The following PPFIBP1 variants were observed in gnomAD, a reference collection of about 807,000 sequenced individuals.
PPFIBP1 encodes the protein PPFIB scaffold protein 1.
Under a neutral mutation model 137.8 loss-of-function variants are expected in PPFIBP1, and 112 were observed. The observed-to-expected ratio is 0.81, with a 90% CI of 0.70 to 0.95. The LOEUF (loss-of-function observed/expected upper bound fraction) is 0.95, where lower values mean the gene tolerates loss of function less well. Among genes scored for constraint, PPFIBP1 ranks in the 40% least tolerant of loss-of-function variants. The pLI, the probability that PPFIBP1 is intolerant of heterozygous loss-of-function variation, is 0.00. For synonymous variants in PPFIBP1, 378 were observed against 417.3 expected (o/e 0.91, Z 1.15); for missense variants, 1,083 against 1,196.6 (o/e 0.91, Z 1.40).
intron 2 of PPFIBP1, among the ~76,000 whole-genome samples, chr12:27,630,754 C>G (rs929867723): frequency 6.6e-6 from 1 of 152,114 alleles, no homozygotes; most frequent in African/African-American, 2.4e-5. Flanking sequence ...TATTTTCATC[C>G]TCACCTCCCT....
intron 2 of PPFIBP1, among the ~76,000 whole-genome samples, chr12:27,599,866 A>G (rs1384134976): frequency 2.0e-5 from 3 of 152,246 alleles, no homozygotes; most frequent in Admixed American, 1.3e-4. Flanking sequence ...AGGTGCTGTC[A>G]CAGACTACAA....
At chr12:27,536,324 AT>A (rs1944998676) in intron 1 of PPFIBP1, among the ~76,000 whole-genome samples, 1 of 152,178 alleles carries the variant, frequency 6.6e-6, no homozygotes, top group Non-Finnish European at 1.5e-5. Flanking sequence ...GGACTGGATA[AT>A]TTATGAAGAA....
At chr12:27,559,585 T>G (rs1358383325) in intron 1 of PPFIBP1, among the ~76,000 whole-genome samples, 1 of 152,192 alleles carries the variant, frequency 6.6e-6, no homozygotes, top group Non-Finnish European at 1.5e-5. Context: ...AACTAGAAGA[T>G]TTTCTCTTGT....
intron 12 of PPFIBP1, among the ~76,000 whole-genome samples, chr12:27,666,821 A>G (rs1186481602): frequency 6.6e-6 from 1 of 152,232 alleles, no homozygotes; most frequent in Non-Finnish European, 1.5e-5. Flanking sequence ...ATATTTCTAC[A>G]CTAAAATTTG....
At chr12:27,663,210 G>A (rs2059654659) in intron 11 of PPFIBP1, among the ~76,000 whole-genome samples, 1 of 152,156 alleles carries the variant, frequency 6.6e-6, no homozygotes, top group Non-Finnish European at 1.5e-5. Flanking sequence ...CAGCCACAAA[G>A]GGCAAATGTT....
At chr12:27,684,292 G>A (rs1593370762) in intron 24 of PPFIBP1, among the ~76,000 whole-genome samples, 5 of 150,706 alleles carry the variant, frequency 3.3e-5, no homozygotes, top group Admixed American at 1.3e-4. Context: ...TGTTTTTGGT[G>A]GAGATGGAGT....
intron 11 of PPFIBP1, among the ~76,000 whole-genome samples, 188 bp downstream of exon 11, chr12:27,661,133 C>T (rs1219886351): frequency 6.6e-6 from 1 of 152,220 alleles, no homozygotes; most frequent in Non-Finnish European, 1.5e-5. Flanking sequence ...ACTGGCTCCA[C>T]TGAGAACTCC....
intron 1 of PPFIBP1, among the ~76,000 whole-genome samples, chr12:27,570,952 G>A (rs531987840): frequency 3.3e-5 from 5 of 152,098 alleles, no homozygotes; most frequent in African/African-American, 9.6e-5. Flanking sequence ...AATAAAATGT[G>A]CATATACCTC....
At chr12:27,599,953 GA>G (rs768878828) in intron 2 of PPFIBP1, among the ~76,000 whole-genome samples, 1 of 152,186 alleles carries the variant, frequency 6.6e-6, no homozygotes, top group Non-Finnish European at 1.5e-5. Flanking sequence ...GGACATTAGT[GA>G]AAAAACAGGA....
At chr12:27,589,753 G>A (rs1390019037) in intron 2 of PPFIBP1, among the ~76,000 whole-genome samples, 4 of 152,210 alleles carry the variant, frequency 2.6e-5, no homozygotes, top group African/African-American at 7.2e-5. Flanking sequence ...GCTTAATTGC[G>A]AGAGTAAGAA....
chr12:27,683,034 G>A (rs2060971393), intron 24 of PPFIBP1, among the ~76,000 whole-genome samples: 1 of 152,102 alleles, frequency 6.6e-6, no homozygotes, highest in Non-Finnish European at 1.5e-5. Context: ...TACATTTTAT[G>A]GTATGCAAAT....
intron 2 of PPFIBP1, among the ~76,000 whole-genome samples, chr12:27,626,423 A>G (rs562361543): frequency 1.0e-3 from 158 of 152,244 alleles, no homozygotes; most frequent in African/African-American, 3.6e-3. Context: ...TGTTGTCCCA[A>G]GGAGGAAAGA....
intron 10 of PPFIBP1, among the ~76,000 whole-genome samples, chr12:27,660,181 C>T (rs903043602): frequency 1.3e-5 from 2 of 152,054 alleles, no homozygotes; most frequent in African/African-American, 4.8e-5. Context: ...CATGAGCCAC[C>T]ACACCAGGCC....
At chr12:27,683,810 C>T (rs968491305) in intron 24 of PPFIBP1, among the ~76,000 whole-genome samples, 16 of 151,532 alleles carry the variant, frequency 1.1e-4, no homozygotes, top group African/African-American at 3.4e-4. Flanking sequence ...TATTTTGAGA[C>T]GGAGTCTCGC....
chr12:27,660,562 A>G (rs1457387447), intron 10 of PPFIBP1, among the ~76,000 whole-genome samples: 5 of 152,148 alleles, frequency 3.3e-5, no homozygotes, highest in Non-Finnish European at 7.3e-5. Context: ...TAGAAACGTT[A>G]TGTTTTTATT....
intron 18 of PPFIBP1, 43 bp downstream of exon 18, chr12:27,676,642 G>A (rs778049644): frequency 7.0e-7 from 1 of 1,438,062 alleles, no homozygotes; most frequent in South Asian, 1.4e-5. Flanking sequence ...CTTCCACAAG[G>A]AGGAAAAGAG....
intron 11 of PPFIBP1, among the ~76,000 whole-genome samples, chr12:27,661,760 G>T (rs916853793): frequency 6.6e-6 from 1 of 152,110 alleles, no homozygotes; most frequent in Non-Finnish European, 1.5e-5. Context: ...TTCTCCCATC[G>T]TAAGTTTCTT....
chr12:27,676,717 GA>G (rs1394442862), intron 18 of PPFIBP1, 118 bp downstream of exon 18: 24 of 1,127,566 alleles, frequency 2.1e-5, no homozygotes, highest in Non-Finnish European at 2.9e-5. Context: ...AAACGAAGGT[GA>G]ATGACTTAGG....
At chr12:27,596,111 T>A (rs10842949) in intron 2 of PPFIBP1, among the ~76,000 whole-genome samples, 5 of 140,506 alleles carry the variant, frequency 3.6e-5, no homozygotes, top group Non-Finnish European at 7.7e-5. Flanking sequence ...CACACACATA[T>A]GCTTACAAAT....
Sources: allele counts gnomAD v4.1 joint callset (sites outside exome capture counted in the v4.1 genomes callset), GRCh38; gene constraint gnomAD v4.1.1; transcripts MANE v1.5; gene names NCBI Gene and HGNC (gene_info 2026-07-23, HGNC 2026-07-21).